Variants in LIMS2 observed in about 807,000 individuals in gnomAD.
The protein encoded by LIMS2 is LIM zinc finger domain containing 2, also known as LIM and senescent cell antigen-like-containing domain protein 2.
Under a neutral mutation model 45.3 loss-of-function variants are expected in LIMS2, and 30 were observed. That is an observed-to-expected ratio of 0.66 (90% CI 0.50 to 0.90). The LOEUF (loss-of-function observed/expected upper bound fraction) is 0.90. Ranked by LOEUF, LIMS2 falls within the 40% of genes least tolerant of loss-of-function variation. LIMS2 has a pLI of 0.00. For synonymous variants in LIMS2, 173 were observed against 188.0 expected, an observed-to-expected ratio of 0.92 and a Z score of 0.65; for missense variants, 485 against 468.7, an observed-to-expected ratio of 1.03 and a Z score of -0.32.
chr2:127,651,137 G>A (rs1394913079), intron 4 of LIMS2: 4 of 1,613,306 alleles, frequency 2.5e-6, no homozygotes, highest in East Asian at 2.2e-5. Context: ...TGGCCATTGT[G>A]CACCCGGTCA....
chr2:127,664,690 T>C lies in LIMS2; in HGVS notation c.12-7128A>G. On this transcript the variant is annotated intron_variant, in intron 1 of 9. Coordinates refer to ENST00000355119, the MANE Select transcript of LIMS2 (RefSeq NM_001161403.3). This position sits in a 1 kb window ranked among gnomAD's most constrained non-coding sequence, Gnocchi z 5.5. ...GGTCTGGGAAGGCCCCAGACAGCAC[T>C]GAGGTGAGGTCCACAGTGGCGGCAG... 3 of 886,350 alleles carry C rather than the reference T, an allele frequency of 3.4e-6. No homozygotes were observed. The highest frequency in any genetic ancestry group is 4.2e-6 in the Non-Finnish European group (3 of 721,720). The allele number at this position is 886,350 out of a possible 1,614,324, so 54.9% of individuals were successfully genotyped here. A position where few individuals can be genotyped will look rare whatever the true frequency, so the allele number is the denominator to read the frequency against.
At chr2:127,650,661 C>T (rs190276581) in intron 4 of LIMS2, 12 of 1,246,022 alleles carry the variant, frequency 9.6e-6, no homozygotes, top group East Asian at 4.6e-5. Context: ...CTTCAGAGAG[C>T]GTGAAGCTGC....
chr2:127,643,917 GC>G (rs1177587838), intron 4 of LIMS2, among the ~76,000 whole-genome samples: 4 of 152,172 alleles, frequency 2.6e-5, no homozygotes, highest in African/African-American at 9.7e-5. Flanking sequence ...CTCCACGGCT[GC>G]CCGACGCCCA....
At chr2:127,641,029 A>T (rs1355900015) in intron 6 of LIMS2, 41 bp from the exon 7 acceptor site, 1 of 1,555,782 alleles carries the variant, frequency 6.4e-7, no homozygotes, top group Non-Finnish European at 8.9e-7. Flanking sequence ...TCAGGGCTAG[A>T]GCGGTGACCC....
Position 127,647,778 on chromosome 2 carries a change from G to A in LIMS2, c.360-4706C>T, listed in dbSNP as rs11677393. On this transcript the variant is annotated intron_variant, in intron 4 of 9. Transcript: ENST00000355119. The surrounding 1 kb of genome is among the most constrained non-coding windows in gnomAD (Gnocchi z 4.3). Reference sequence around the variant, plus strand: ...GGCTGTCCTCTCTGCTTGCCCATGCGTCTGCCCTGGAGCCCTGTTCCTCCA... The same window carrying A: ...GGCTGTCCTCTCTGCTTGCCCATGCATCTGCCCTGGAGCCCTGTTCCTCCA... 0.36 allele frequency among the ~76,000 whole-genome samples: 54,836 copies of A among 151,648 alleles called. 10,547 individuals carry two copies. The highest frequency in any genetic ancestry group is 0.42 in the Non-Finnish European group (28,547 of 67,870).
chr2:127,662,629 TGGGGTGGGGGGTGG>T (rs767456468), intron 1 of LIMS2, among the ~76,000 whole-genome samples: 6,950 of 42,400 alleles, frequency 0.16, 301 homozygotes, highest in Middle Eastern at 0.32. Context: ...GAGGCTCTTG[TGGGGTGGGGGGTGG>T]GGGGTGGGGG....
chr2:127,656,497 T>G (rs1684264464), intron 2 of LIMS2, among the ~76,000 whole-genome samples: 1 of 149,512 alleles, frequency 6.7e-6, no homozygotes, highest in South Asian at 2.1e-4. Context: ...CACTGCAACC[T>G]CTGCCTCCCA....
At chr2:127,670,128 C>T (rs896489284) in intron 1 of LIMS2, among the ~76,000 whole-genome samples, 2 of 152,168 alleles carry the variant, frequency 1.3e-5, no homozygotes, top group African/African-American at 4.8e-5. Context: ...CAATTCCAGT[C>T]CTAGGTATAT....
Position 127,638,639 on chromosome 2 carries a change from G to A in LIMS2, c.*642C>T, listed in dbSNP as rs939675158. On this transcript the variant is annotated 3_prime_UTR_variant, in exon 10 of 10. Coordinates refer to ENST00000355119, the MANE Select transcript of LIMS2 (RefSeq NM_001161403.3). ...GGGGCGGGGCGGAACCGAGGGCGGAGGCCAAGGTGGGATTCCAGGAAGGCC... is the reference window on the plus strand; with the variant it reads ...GGGGCGGGGCGGAACCGAGGGCGGAAGCCAAGGTGGGATTCCAGGAAGGCC... 3.3e-5 allele frequency: 5 copies of A among 152,830 alleles called. No individual in the cohort carries two copies. Among genetic ancestry groups the A allele is most frequent in the African/African-American group, 1.2e-4 (5 of 41,482 alleles). The allele number at this position is 152,830 out of a possible 1,614,324, so 9.5% of individuals were successfully genotyped here. A position where few individuals can be genotyped will look rare whatever the true frequency, so the allele number is the denominator to read the frequency against.
chr2:127,640,375 C>T lies in LIMS2; in HGVS notation c.754-57G>A, dbSNP rs910750841. On this transcript the variant is annotated intron_variant, in intron 7 of 9. Coordinates refer to ENST00000355119, the MANE Select transcript of LIMS2 (RefSeq NM_001161403.3). ...CAGGCAGTCACACCCCAGCCCAGGG[C>T]CATCATGCAGCCAGCCTGGCCCTCC... The T allele has an allele frequency of 5.7e-6, 9 of 1,574,310 alleles. No individual in the cohort carries two copies. The African/African-American group carries it at 1.2e-4, about 21-fold the overall frequency.
At chr2:127,640,635 G>A in intron 7 of LIMS2, 1 of 598,176 alleles carries the variant, frequency 1.7e-6, no homozygotes, top group South Asian at 2.0e-5. Context: ...GCAAGGGAGG[G>A]AGGGGGTTGC....
intron 1 of LIMS2, among the ~76,000 whole-genome samples, chr2:127,658,530 G>T (rs572852418): frequency 6.6e-6 from 1 of 152,314 alleles, no homozygotes; most frequent in Non-Finnish European, 1.5e-5. Flanking sequence ...GGTGAAATGC[G>T]AACTACAGGG....
chr2:127,640,272 T>C lies in LIMS2; in HGVS notation c.800A>G (p.Asp267Gly). The C allele has an allele frequency of 1.2e-6, 2 of 1,613,286 alleles. No homozygotes were observed. Among genetic ancestry groups the C allele is most frequent in the East Asian group, 2.2e-5 (1 of 44,876 alleles). ...CYNCSHVIEG[D>G]VVSALNKAWC... ...GGGGAGGGAACACAGGGCCTCACCATCGCCTTCAATCACATGGCTGCAGTT... is the reference window on the plus strand; with the variant it reads ...GGGGAGGGAACACAGGGCCTCACCACCGCCTTCAATCACATGGCTGCAGTT... The change falls in exon 8 of 10, where the codon GAT becomes GGT. Residue 267 changes from aspartate to glycine, a missense_variant and splice_region_variant. By Grantham distance (94) the Asp-to-Gly change is moderately conservative (BLOSUM62 -1). Coordinates refer to ENST00000355119, the MANE Select transcript of LIMS2 (RefSeq NM_001161403.3).
chr2:127,643,124 G>A, intron 4 of LIMS2, 52 bp from the exon 5 acceptor site: 1 of 1,525,624 alleles, frequency 6.6e-7, no homozygotes, highest in Non-Finnish European at 8.8e-7. Context: ...ACACAGCCTG[G>A]CCACCTCCAG....
chr2:127,654,392 C>T (rs1471003924), intron 4 of LIMS2, 32 bp downstream of exon 4: 3 of 1,613,516 alleles, frequency 1.9e-6, no homozygotes, highest in Non-Finnish European at 2.5e-6. Flanking sequence ...GGCTGTGGCC[C>T]AGTCCTCTCT....
Position 127,657,495 on chromosome 2 carries a change from G to A in LIMS2, c.79C>T (p.Arg27Cys), listed in dbSNP as rs375142763. 99 of 1,613,262 alleles carry A rather than the reference G, an allele frequency of 6.1e-5. No homozygotes were observed. Among genetic ancestry groups the A allele is most frequent in the Non-Finnish European group, 7.4e-5 (87 of 1,179,850 alleles). The change falls in exon 2 of 10, where the codon CGC becomes TGC. Residue 27 changes from arginine to cysteine, a missense_variant. Transcript: ENST00000355119. The stretch of plus-strand genomic sequence containing the variant: ...AGCTCCCCATTGCTGTTGACAATGC[G>A]CTCGGCGGGGGAGAAGCGGGCCTGG... Reference protein sequence around the residue: ...RCQARFSPAERIVNSNGELYH... With the variant: ...RCQARFSPAECIVNSNGELYH...
chr2:127,641,148 G>C, intron 6 of LIMS2, 160 bp from the exon 7 acceptor site: 2 of 613,462 alleles, frequency 3.3e-6, no homozygotes, highest in Middle Eastern at 4.2e-4. Context: ...AGAAAGCAGA[G>C]TCTGGGCAGG....
intron 4 of LIMS2, among the ~76,000 whole-genome samples, chr2:127,649,209 A>AAGGAAGGAAGGAAGGAAGGG (rs1341046404): frequency 6.8e-6 from 1 of 147,364 alleles, no homozygotes. Context: ...GGAAGGAAGG[A>AAGGAAGGAAGGAAGGAAGGG]AGGGCAGGGA....
rs796122871 is a variant in LIMS2, at chr2:127,664,924, C to T, written c.12-7362G>A. Reference sequence around the variant, plus strand: ...TGAGACCCTCTGCCACAAACATCACCGTGGGGCACCCAGACCAGGGCAGAG... The same window carrying T: ...TGAGACCCTCTGCCACAAACATCACTGTGGGGCACCCAGACCAGGGCAGAG... On this transcript the variant is annotated intron_variant, in intron 1 of 9. Transcript: ENST00000355119. This position sits in a 1 kb window ranked among gnomAD's most constrained non-coding sequence, Gnocchi z 5.5. Among the ~76,000 whole-genome samples, 4 of 152,328 alleles carry T rather than the reference C, an allele frequency of 2.6e-5. No individual in the cohort carries two copies. The highest frequency in any genetic ancestry group is 7.2e-5 in the African/African-American group (3 of 41,572).
Sources: allele counts gnomAD v4.1 joint callset (sites outside exome capture counted in the v4.1 genomes callset), GRCh38; gene constraint gnomAD v4.1.1; non-coding constraint Gnocchi (gnomAD v3.1); transcripts MANE v1.5; gene names NCBI Gene and HGNC (gene_info 2026-07-23, HGNC 2026-07-21).